Variants in FANCD2OS observed in about 807,000 individuals in gnomAD.
FANCD2OS encodes FANCD2 opposite strand protein.
In FANCD2OS, 11 loss-of-function variants were observed where a neutral mutation model predicts 13.2. That is an observed-to-expected ratio of 0.83 (90% confidence interval 0.52 to 1.38). The LOEUF (loss-of-function observed/expected upper bound fraction) is 1.38. Ranked by LOEUF, FANCD2OS falls within the 40% of genes most tolerant of loss-of-function variation. The pLI is 0.00. For synonymous variants in FANCD2OS, 69 were observed against 84.5 expected (o/e 0.82, Z 1.01); for missense variants, 217 against 213.9 (o/e 1.01, Z -0.09).
chr3:10,087,656 C>CT (rs1221521355), intron 2 of FANCD2OS, among the ~76,000 whole-genome samples: 45 of 150,992 alleles, frequency 3.0e-4, no homozygotes, highest in Admixed American at 1.5e-3. Flanking sequence ...TGGCCTTTTT[C>CT]TTTTTTTTTG....
chr3:10,092,155 G>A (rs772693410), intron 2 of FANCD2OS: 1 of 1,549,568 alleles, frequency 6.5e-7, no homozygotes, highest in Non-Finnish European at 8.9e-7. Flanking sequence ...GTGACTCAGA[G>A]GTGCCCATAT....
downstream of FANCD2OS, among the ~76,000 whole-genome samples, chr3:10,098,149 C>T (rs7622966): frequency 0.24 from 36,177 of 151,864 alleles, 5,660 homozygotes; most frequent in African/African-American, 0.45. Context: ...AACAGCACCA[C>T]AGAGAATTAG....
At chr3:10,098,840 T>C (rs1455432557), downstream of FANCD2OS, 1 of 1,613,974 alleles carries the variant, frequency 6.2e-7, no homozygotes, top group African/African-American at 1.3e-5. Flanking sequence ...CCCACCAGAG[T>C]CTGGCACTGA....
intron 2 of FANCD2OS, chr3:10,090,443 A>ATTTTTT (rs773716319): frequency 1.3e-4 from 44 of 342,244 alleles, no homozygotes; most frequent in African/African-American, 3.5e-4. Flanking sequence ...GAAGTTGCTG[A>ATTTTTT]TTTTTTTTTT....
At chr3:10,090,033 G>C (rs558022247) in intron 2 of FANCD2OS, among the ~76,000 whole-genome samples, 3 of 152,150 alleles carry the variant, frequency 2.0e-5, no homozygotes, top group Non-Finnish European at 2.9e-5. Flanking sequence ...CTCAAACTCA[G>C]ATCTTCTCAC....
chr3:10,104,957 C>A (rs1287593718), intron 1 of FANCD2OS, among the ~76,000 whole-genome samples, 175 bp from the exon 2 acceptor site: 1 of 151,458 alleles, frequency 6.6e-6, no homozygotes, highest in African/African-American at 2.4e-5. Context: ...TTTATTTTTT[C>A]TTTTTTGAGA....
chr3:10,091,411 G>T (rs906527447), intron 2 of FANCD2OS, among the ~76,000 whole-genome samples: 8 of 149,420 alleles, frequency 5.4e-5, no homozygotes, highest in African/African-American at 2.0e-4. Context: ...GGCAAAGGCT[G>T]CAGTGAGCCA....
chr3:10,087,868 C>T (rs972433822), intron 2 of FANCD2OS, among the ~76,000 whole-genome samples: 19 of 151,936 alleles, frequency 1.3e-4, no homozygotes, highest in Admixed American at 1.3e-4. Flanking sequence ...AGGCTGGTCT[C>T]GAACTCCTGA....
downstream of FANCD2OS, among the ~76,000 whole-genome samples, chr3:10,103,694 C>A (rs957101666): frequency 6.6e-6 from 1 of 152,196 alleles, no homozygotes; most frequent in African/African-American, 2.4e-5. Context: ...CAAGTTCTTT[C>A]TTGCCAGGCT....
downstream of FANCD2OS, among the ~76,000 whole-genome samples, chr3:10,100,923 G>T (rs1320069639): frequency 6.6e-6 from 1 of 152,144 alleles, no homozygotes; most frequent in Non-Finnish European, 1.5e-5. Context: ...ACAAAAATTA[G>T]CCGGGCGTGG....
intron 2 of FANCD2OS, chr3:10,088,994 A>G (rs763159592): frequency 6.2e-7 from 1 of 1,610,674 alleles, no homozygotes; most frequent in East Asian, 2.2e-5. Context: ...AGATAGAATC[A>G]TCATCAGGCT....
Position 10,085,861 on chromosome 3 carries a change from C to T in FANCD2OS, c.*44-4330G>A. 1 of 1,613,818 alleles carries T rather than the reference C, an allele frequency of 6.2e-7. No individual in the cohort carries two copies. Among genetic ancestry groups the T allele is most frequent in the East Asian group, 2.2e-5 (1 of 44,864 alleles). ...TCAGAATTTACTGTATTCAGCCCTC[C>T]ATGTCCTTAGTAGCCGACTGAAACA... On this transcript the variant is annotated intron_variant, in intron 2 of 2. Coordinates refer to the FANCD2OS transcript ENST00000524279.
rs1411877055 is a variant in FANCD2OS at position 10,085,825 on chromosome 3, C to G, written c.*44-4294G>C. The G allele has an allele frequency of 5.6e-6, 9 of 1,611,816 alleles. No homozygotes were observed. Among genetic ancestry groups the G allele is most frequent in the Non-Finnish European group, 7.6e-6 (9 of 1,178,124 alleles). On this transcript the variant is annotated intron_variant, in intron 2 of 2. Transcript: ENST00000524279. ...TGACTTCCTTAGGAGTGGATTTTCT[C>G]AACCTGAAAATCAGAATTTACTGTA...
downstream of FANCD2OS, chr3:10,099,325 A>C (rs1695165085): frequency 2.5e-6 from 3 of 1,211,534 alleles, no homozygotes; most frequent in East Asian, 8.2e-5. Flanking sequence ...AAGAAAGCTA[A>C]ATAAAAATGT....
intron 1 of FANCD2OS, among the ~76,000 whole-genome samples, chr3:10,106,125 C>T (rs1695490347): frequency 6.6e-6 from 1 of 152,032 alleles, no homozygotes; most frequent in South Asian, 2.1e-4. Flanking sequence ...TATACCACCT[C>T]AGAGGAGCTA....
At chr3:10,084,297 T>C (rs1304663994) in intron 2 of FANCD2OS, among the ~76,000 whole-genome samples, 2 of 150,866 alleles carry the variant, frequency 1.3e-5, no homozygotes, top group Non-Finnish European at 3.0e-5. Flanking sequence ...TGGCTTTTTT[T>C]TTTTTCTTCC....
At chr3:10,099,024 C>G, downstream of FANCD2OS, 1 of 1,611,550 alleles carries the variant, frequency 6.2e-7, no homozygotes, top group Non-Finnish European at 8.5e-7. Context: ...TCCTGAGTAT[C>G]TCGAGTTGTG....
chr3:10,097,850 ATT>A (rs1695066834), intron 2 of FANCD2OS, among the ~76,000 whole-genome samples: 1 of 152,228 alleles, frequency 6.6e-6, no homozygotes, highest in African/African-American at 2.4e-5. Context: ...TTACAAAAGT[ATT>A]AATTTGGGGA....
intron 2 of FANCD2OS, among the ~76,000 whole-genome samples, chr3:10,091,261 A>C (rs985112739): frequency 6.6e-6 from 1 of 151,122 alleles, no homozygotes; most frequent in Non-Finnish European, 1.5e-5. Flanking sequence ...TTCTATTTTT[A>C]GTAGAGGCGG....
Sources: allele counts gnomAD v4.1 joint callset (sites outside exome capture counted in the v4.1 genomes callset), GRCh38; gene constraint gnomAD v4.1.1; transcripts MANE v1.5; gene names NCBI Gene and HGNC (gene_info 2026-07-23, HGNC 2026-07-21).